Variants in SASH3 observed in about 807,000 individuals in gnomAD.
The protein encoded by SASH3 is SAM and SH3 domain-containing protein 3.
Under a neutral mutation model 26.1 loss-of-function variants are expected in SASH3, and 7 were observed. The ratio of observed to expected loss-of-function variants is 0.27; its 90% CI spans 0.15 to 0.50. SASH3 has a LOEUF of 0.50. Among genes scored for constraint, SASH3 ranks in the 20% least tolerant of loss-of-function variants. SASH3 has a pLI of 0.98. For synonymous variants in SASH3, 138 were observed against 136.8 expected, an observed-to-expected ratio of 1.01 and a Z score of -0.06; for missense variants, 231 against 318.3, an observed-to-expected ratio of 0.73 and a Z score of 2.09.
At chrX:129,788,137 G>GGGCGGC in intron 2 of SASH3, 67 bp downstream of exon 2, 1 of 354,277 alleles carries the variant, frequency 2.8e-6, no homozygotes, top group Non-Finnish European at 5.4e-6. Flanking sequence ...GGGTGGGAGG[G>GGGCGGC]AAGAGGGTGA....
chrX:129,780,902 T>C (rs1927004386), intron 1 of SASH3, among the ~76,000 whole-genome samples: 1 of 111,824 alleles, frequency 8.9e-6, no homozygotes, highest in African/African-American at 3.3e-5. Context: ...ACAGCTGTCA[T>C]GGATGGCTGA....
chrX:129,784,848 A>G (rs982815827), intron 1 of SASH3, among the ~76,000 whole-genome samples: 1 of 110,558 alleles, frequency 9.0e-6, no homozygotes, highest in African/African-American at 3.3e-5. Flanking sequence ...CAGGCTTTGA[A>G]CTATAATTAT....
In SASH3 at chrX:129,783,479, G is replaced by T. The variant is rs2235448; in HGVS notation, c.57+3325G>T. ...TGAGCTCTGAGGTAGCACGAGCACA[G>T]CAACATACTTGGGTTTCCAGAGTCA... On this transcript the variant is annotated intron_variant, in intron 1 of 7. Transcript: ENST00000356892. Among the ~76,000 whole-genome samples the T allele has an allele frequency of 1.3e-3, 144 of 112,296 alleles. 1 individual carries two copies. In the East Asian group the frequency reaches 0.037, roughly 29 times the overall value.
At chrX:129,791,145 T>G (rs1173858797) in intron 4 of SASH3, 64 bp downstream of exon 4, 1 of 1,118,929 alleles carries the variant, frequency 8.9e-7, no homozygotes, top group African/African-American at 1.8e-5. Flanking sequence ...ACAGCCGTGC[T>G]GGTGGCACAC....
chrX:129,783,672 C>A (rs1453212192), intron 1 of SASH3, among the ~76,000 whole-genome samples: 3 of 111,769 alleles, frequency 2.7e-5, no homozygotes, highest in African/African-American at 9.8e-5. Context: ...AGGACACGGG[C>A]ATGCGGGAGG....
At position 129,794,286 on chromosome X, in the gene SASH3, T is replaced by C. The variant is rs1163118661; in HGVS notation, c.*454T>C. The C allele has an allele frequency of 7.7e-6, 1 of 130,347 alleles. No individual in the cohort carries two copies. The highest frequency in any genetic ancestry group is 1.5e-5 in the Non-Finnish European group (1 of 64,838). The allele number at this position is 130,347 out of a possible 1,213,427, so 10.7% of individuals were successfully genotyped here. A position where few individuals can be genotyped will look rare whatever the true frequency, so the allele number is the denominator to read the frequency against. On this transcript the variant is annotated 3_prime_UTR_variant, in exon 8 of 8. Coordinates refer to ENST00000356892, the MANE Select transcript of SASH3 (RefSeq NM_018990.4). Reference sequence around the variant, plus strand: ...AAAAACCCTAGGGAAGCTGGCCATTTAAAAGAACCCAAACTGACCATGGGT... The same window carrying C: ...AAAAACCCTAGGGAAGCTGGCCATTCAAAAGAACCCAAACTGACCATGGGT...
chrX:129,788,928 C>A (rs893006354), intron 3 of SASH3, among the ~76,000 whole-genome samples: 16 of 107,771 alleles, frequency 1.5e-4, no homozygotes, highest in African/African-American at 5.4e-4. Context: ...CATGGCAAAA[C>A]CCCATCTCTA....
At chrX:129,782,216 C>T (rs951315012) in intron 1 of SASH3, among the ~76,000 whole-genome samples, 9 of 111,977 alleles carry the variant, frequency 8.0e-5, no homozygotes, top group Admixed American at 9.4e-5. Context: ...TCCTAATCTG[C>T]CCCCCTCAAG....
At position 129,794,945 on chromosome X, in the gene SASH3, A is replaced by G. The variant is rs950102212; in HGVS notation, c.*1113A>G. 1 of 111,362 alleles carries G rather than the reference A, an allele frequency of 9.0e-6. No homozygotes were observed. Among genetic ancestry groups the G allele is most frequent in the African/African-American group, 3.3e-5 (1 of 30,566 alleles). The allele number at this position is 111,362 out of a possible 1,213,427, so 9.2% of individuals were successfully genotyped here. The stretch of plus-strand genomic sequence containing the variant: ...ACATTGAGCCCCAGAAGGAAAGGAG[A>G]GTATCTGTGAGTGGGGGCCTCCCTT... On this transcript the variant is annotated 3_prime_UTR_variant, in exon 8 of 8. Transcript: ENST00000356892.
At chrX:129,789,231 G>T (rs1341212782) in intron 3 of SASH3, among the ~76,000 whole-genome samples, 1 of 110,030 alleles carries the variant, frequency 9.1e-6, no homozygotes, top group Admixed American at 9.6e-5. Context: ...CTGGGACAGG[G>T]GCAGCTTGAG....
chrX:129,788,172 A>G, intron 2 of SASH3, 102 bp downstream of exon 2: 1 of 691,051 alleles, frequency 1.4e-6, no homozygotes, highest in Non-Finnish European at 2.2e-6. Flanking sequence ...TGTTGGGGCG[A>G]AGCCCCCTTT....
rs895315649 is a variant in SASH3 at position 129,791,027 on chromosome X, T to G, written c.388T>G (p.Phe130Val). 4.1e-6 allele frequency: 5 copies of G among 1,209,892 alleles called. No individual in the cohort carries two copies. The African/African-American group carries it at 5.2e-5, about 13-fold the overall frequency. Residue 130 changes from phenylalanine to valine, a missense_variant, in exon 4 of 8, where the codon TTT becomes GTT. Physicochemically the swap from Phe to Val is conservative, Grantham distance 50 (BLOSUM62 -1). Coordinates refer to ENST00000356892, the MANE Select transcript of SASH3 (RefSeq NM_018990.4). ...SPGPEKMALA[F>V]SEQEEHELPV... ...TGGCCCTGAGAAGATGGCGCTGGCCTTTTCTGAGCAAGAGGAGCATGAACT... is the reference window on the plus strand; with the variant it reads ...TGGCCCTGAGAAGATGGCGCTGGCCGTTTCTGAGCAAGAGGAGCATGAACT...
At chrX:129,787,834 T>C (rs985739822) in intron 1 of SASH3, 141 bp from the exon 2 acceptor site, 2 of 481,748 alleles carry the variant, frequency 4.2e-6, no homozygotes, top group African/African-American at 4.9e-5. Context: ...TCGAGGTGCG[T>C]CACCCATTAG....
At chrX:129,788,137 G>GGGGGCGGGC in intron 2 of SASH3, 67 bp downstream of exon 2, 2 of 354,277 alleles carry the variant, frequency 5.6e-6, no homozygotes, top group Non-Finnish European at 1.1e-5. Context: ...GGGTGGGAGG[G>GGGGGCGGGC]AAGAGGGTGA....
At chrX:129,789,346 A>C (rs1242997418) in intron 3 of SASH3, among the ~76,000 whole-genome samples, 1 of 109,760 alleles carries the variant, frequency 9.1e-6, no homozygotes, top group Non-Finnish European at 1.9e-5. Flanking sequence ...CTATGAGAGA[A>C]AACAGATTGG....
chrX:129,780,804 C>T (rs761844960), intron 1 of SASH3, among the ~76,000 whole-genome samples: 2 of 112,769 alleles, frequency 1.8e-5, no homozygotes, highest in South Asian at 7.2e-4. Context: ...CATACAGGTT[C>T]TTCCTGGGTG....
At chrX:129,782,003 G>A (rs142951919) in intron 1 of SASH3, among the ~76,000 whole-genome samples, 1,240 of 112,674 alleles carry the variant, frequency 0.011, 12 homozygotes, top group Middle Eastern at 0.018. Flanking sequence ...CTGAGATGAC[G>A]TGGTGGAGAG....
chrX:129,790,429 A>G (rs1927210451), intron 3 of SASH3, among the ~76,000 whole-genome samples: 1 of 109,115 alleles, frequency 9.2e-6, no homozygotes. Flanking sequence ...TTGAACCTGA[A>G]TTCCCTTGGC....
chrX:129,788,137 G>GGGGC, intron 2 of SASH3, 67 bp downstream of exon 2: 2 of 354,259 alleles, frequency 5.6e-6, no homozygotes, highest in Non-Finnish European at 1.1e-5. Flanking sequence ...GGGTGGGAGG[G>GGGGC]AAGAGGGTGA....
Sources: gnomAD v4.1 joint callset for allele counts (sites outside exome capture counted in the v4.1 genomes callset) on GRCh38, gnomAD v4.1.1 for gene constraint, MANE v1.5 for transcripts, NCBI Gene and HGNC (gene_info 2026-07-23, HGNC 2026-07-21) for gene names.